The following DOCK3 variants were observed in gnomAD, a reference collection of about 807,000 sequenced individuals.
DOCK3 encodes the protein dedicator of cytokinesis protein 3.
In DOCK3, 60 loss-of-function variants were observed where a neutral mutation model predicts 265.6. The observed-to-expected ratio is 0.23, with a 90% CI of 0.18 to 0.28. The LOEUF (loss-of-function observed/expected upper bound fraction) is 0.28, where lower values mean the gene tolerates loss of function less well. Ranked by LOEUF, DOCK3 falls within the 10% of genes least tolerant of loss-of-function variation. The probability of loss-of-function intolerance (pLI) is 1.00; values close to 1 mark genes in which losing one functional copy is unlikely to be tolerated. For missense variants in DOCK3, 1,981 were observed against 2,594.3 expected (o/e 0.76, Z 5.14); for synonymous variants, 881 against 938.0 (o/e 0.94, Z 1.11).
At chr3:50,877,675 C>CT (rs201390642) in intron 3 of DOCK3, 5 of 366,788 alleles carry the variant, frequency 1.4e-5, no homozygotes, top group Non-Finnish European at 2.6e-5. Context: ...CTTTTCTTTT[C>CT]TTTTCTTTTT....
intron 24 of DOCK3, among the ~76,000 whole-genome samples, 169 bp from the exon 25 acceptor site, chr3:51,274,910 C>T (rs2080726426): frequency 6.6e-6 from 1 of 152,166 alleles, no homozygotes; most frequent in Non-Finnish European, 1.5e-5. Context: ...CTTATAATCT[C>T]CAGGCAGTGA....
intron 32 of DOCK3, among the ~76,000 whole-genome samples, chr3:51,323,930 A>C (rs2083911408): frequency 6.6e-6 from 1 of 152,048 alleles, no homozygotes; most frequent in Non-Finnish European, 1.5e-5. Flanking sequence ...AAAATAGAAT[A>C]ATAAGAGCTA....
chr3:50,695,124 T>C (rs1159782010), intron 1 of DOCK3, among the ~76,000 whole-genome samples: 1 of 152,266 alleles, frequency 6.6e-6, no homozygotes, highest in African/African-American at 2.4e-5. Context: ...ATAAGACTAA[T>C]TTGGGAGCCC....
intron 27 of DOCK3, among the ~76,000 whole-genome samples, chr3:51,305,733 C>CGTGTGTGT (rs202005379): frequency 0.11 from 14,493 of 135,420 alleles, 857 homozygotes; most frequent in South Asian, 0.15. Flanking sequence ...TGTGTGTGTG[C>CGTGTGTGT]GCGTGTGTGT....
intron 14 of DOCK3, among the ~76,000 whole-genome samples, chr3:51,220,843 G>A (rs1001948336): frequency 4.6e-5 from 7 of 151,236 alleles, no homozygotes; most frequent in Admixed American, 1.3e-4. Context: ...AACTTGTTTG[G>A]GCCTTCGCAC....
chr3:50,871,774 T>C (rs934684006), intron 3 of DOCK3, among the ~76,000 whole-genome samples: 4 of 152,218 alleles, frequency 2.6e-5, no homozygotes, highest in Admixed American at 6.5e-5. Flanking sequence ...AATTCTTTCT[T>C]GTGCTTGATT....
At chr3:51,144,978 G>A (rs557534273) in intron 9 of DOCK3, among the ~76,000 whole-genome samples, 94 of 152,294 alleles carry the variant, frequency 6.2e-4, no homozygotes, top group Non-Finnish European at 9.8e-4. Flanking sequence ...GAGATTCTGC[G>A]CAGGGGCAGG....
intron 44 of DOCK3, 30 bp downstream of exon 44, chr3:51,357,171 C>G (rs913557747): frequency 4.4e-6 from 7 of 1,594,614 alleles, no homozygotes; most frequent in Non-Finnish European, 5.1e-6. Flanking sequence ...CAAACCCATG[C>G]AGCCAGCCTG....
intron 13 of DOCK3, among the ~76,000 whole-genome samples, chr3:51,212,667 G>C (rs943945241): frequency 2.6e-5 from 4 of 152,110 alleles, no homozygotes; most frequent in African/African-American, 9.7e-5. Context: ...TGTGGTTTTG[G>C]TTCTGGCTCC....
At chr3:50,814,500 A>T (rs1215551488) in intron 2 of DOCK3, among the ~76,000 whole-genome samples, 1 of 152,056 alleles carries the variant, frequency 6.6e-6, no homozygotes, top group Non-Finnish European at 1.5e-5. Flanking sequence ...TCCTAGTGTC[A>T]AGTGATCTGC....
At chr3:51,193,808 T>TA (rs940841771) in intron 12 of DOCK3, among the ~76,000 whole-genome samples, 2 of 150,514 alleles carry the variant, frequency 1.3e-5, no homozygotes, top group Non-Finnish European at 3.0e-5. Context: ...TCTCTTTTTT[T>TA]TTTTTTTTTC....
chr3:50,971,500 G>A (rs1013846287), intron 5 of DOCK3, among the ~76,000 whole-genome samples: 1 of 152,134 alleles, frequency 6.6e-6, no homozygotes, highest in Admixed American at 6.5e-5. Flanking sequence ...TGCACTAGAT[G>A]TATGAACAGT....
chr3:50,683,919 C>T (rs1352897022), intron 1 of DOCK3, among the ~76,000 whole-genome samples: 1 of 147,368 alleles, frequency 6.8e-6, no homozygotes, highest in Non-Finnish European at 1.5e-5. Flanking sequence ...CTGCCTTGAC[C>T]TCCCAAAGTG....
intron 2 of DOCK3, among the ~76,000 whole-genome samples, chr3:50,827,984 C>G (rs946717704): frequency 2.0e-5 from 3 of 150,430 alleles, no homozygotes; most frequent in African/African-American, 7.3e-5. Context: ...CTTGCTCTGT[C>G]CCCTAGGCTG....
At chr3:50,931,477 A>G (rs1478550187) in intron 4 of DOCK3, among the ~76,000 whole-genome samples, 1 of 152,228 alleles carries the variant, frequency 6.6e-6, no homozygotes, top group Non-Finnish European at 1.5e-5. Flanking sequence ...AAGATGTGGT[A>G]TATGGAAATA....
intron 4 of DOCK3, among the ~76,000 whole-genome samples, chr3:50,906,395 C>A (rs1486456953): frequency 6.7e-6 from 1 of 149,272 alleles, no homozygotes; most frequent in African/African-American, 2.4e-5. Context: ...TCTGGTCCTG[C>A]ATTTTTTTTG....
At chr3:50,711,234 T>A (rs1576190431) in intron 1 of DOCK3, among the ~76,000 whole-genome samples, 1 of 151,902 alleles carries the variant, frequency 6.6e-6, no homozygotes, top group African/African-American at 2.4e-5. Context: ...TTTCCTGGAA[T>A]AAAAATCCTA....
intron 5 of DOCK3, among the ~76,000 whole-genome samples, chr3:51,024,420 A>G (rs1313836876): frequency 6.6e-6 from 1 of 152,160 alleles, no homozygotes; most frequent in African/African-American, 2.4e-5. Context: ...GCAAGTTGGT[A>G]GATGTAATAC....
chr3:50,821,743 A>G (rs553318175), intron 2 of DOCK3, among the ~76,000 whole-genome samples: 1 of 152,322 alleles, frequency 6.6e-6, no homozygotes, highest in South Asian at 2.1e-4. Context: ...CCATTTATTG[A>G]ATAGGGAGTC....
Sources: gnomAD v4.1 joint callset for allele counts (sites outside exome capture counted in the v4.1 genomes callset) on GRCh38, gnomAD v4.1.1 for gene constraint, MANE v1.5 for transcripts, NCBI Gene and HGNC (gene_info 2026-07-23, HGNC 2026-07-21) for gene names.